Variants in OTC observed in about 807,000 individuals in gnomAD.
The protein encoded by OTC is ornithine transcarbamylase, mitochondrial.
A neutral mutation model predicts 30.3 loss-of-function variants in OTC; 3 were observed. The observed-to-expected ratio is 0.10, with a 90% CI of 0.05 to 0.26. The LOEUF (loss-of-function observed/expected upper bound fraction) is 0.26. OTC is among the 10% of genes least tolerant of loss of function. The pLI, the probability that OTC is intolerant of heterozygous loss-of-function variation, is 1.00. For synonymous variants in OTC, 111 were observed against 99.7 expected, an observed-to-expected ratio of 1.11 and a Z score of -0.67; for missense variants, 194 against 260.3, an observed-to-expected ratio of 0.75 and a Z score of 1.75.
At chrX:38,368,763 G>T (rs952947023) in intron 2 of OTC, among the ~76,000 whole-genome samples, 1 of 99,321 alleles carries the variant, frequency 1.0e-5, no homozygotes, top group Admixed American at 1.2e-4. Context: ...GAGGACAGGA[G>T]TGACCGCAAC....
chrX:38,331,442 G>GTTTTTTTTTTTTT, the OTC span, among the ~76,000 whole-genome samples: 7 of 37,668 alleles, frequency 1.9e-4, no homozygotes, highest in South Asian at 2.1e-3. Context: ...TTTTTTTTTT[G>GTTTTTTTTTTTTT]TTTTTTTTTT....
At chrX:38,369,387 G>T (rs2068312476) in intron 2 of OTC, among the ~76,000 whole-genome samples, 1 of 107,798 alleles carries the variant, frequency 9.3e-6, no homozygotes, top group East Asian at 2.9e-4. Context: ...TTGCTCTGTT[G>T]CCCAGGCTGG....
chrX:38,358,326 T>C (rs2068252479), intron 1 of OTC, among the ~76,000 whole-genome samples: 1 of 110,972 alleles, frequency 9.0e-6, no homozygotes, highest in Non-Finnish European at 1.9e-5. Flanking sequence ...TGTGGAACTC[T>C]TCTAATTTTT....
chrX:38,358,847 C>G (rs1392966578), intron 1 of OTC, among the ~76,000 whole-genome samples: 1 of 109,834 alleles, frequency 9.1e-6, no homozygotes, highest in Non-Finnish European at 1.9e-5. Context: ...GTCTCAAACT[C>G]CTGACCTCAG....
At chrX:38,368,135 C>T (rs1177809040) in intron 2 of OTC, among the ~76,000 whole-genome samples, 1 of 110,706 alleles carries the variant, frequency 9.0e-6, no homozygotes, top group African/African-American at 3.3e-5. Flanking sequence ...GCCAGGCAGG[C>T]AAATCACCTG....
chrX:38,397,431 A>C (rs2068463274), intron 4 of OTC, among the ~76,000 whole-genome samples: 1 of 111,915 alleles, frequency 8.9e-6, no homozygotes, highest in Non-Finnish European at 1.9e-5. Context: ...ATAACGTGAA[A>C]CTGACTATCC....
intron 5 of OTC, among the ~76,000 whole-genome samples, chrX:38,402,856 C>T (rs1443607245): frequency 9.0e-6 from 1 of 110,599 alleles, no homozygotes; most frequent in Non-Finnish European, 1.9e-5. Flanking sequence ...ACTCTGTCAC[C>T]CAGACTGGAG....
chrX:38,389,051 A>T (rs949028336), intron 4 of OTC, among the ~76,000 whole-genome samples: 4 of 110,811 alleles, frequency 3.6e-5, no homozygotes, highest in Non-Finnish European at 7.6e-5. Context: ...ATCACCCCAA[A>T]CTCTGCCTCC....
chrX:38,411,495 G>T (rs62589228), intron 8 of OTC, among the ~76,000 whole-genome samples: 14,053 of 109,356 alleles, frequency 0.13, 986 homozygotes, highest in Middle Eastern at 0.25. Flanking sequence ...GTGAAATCCC[G>T]TCTCTACTAA....
chrX:38,389,063 T>C (rs2068418718), intron 4 of OTC, among the ~76,000 whole-genome samples: 1 of 112,057 alleles, frequency 8.9e-6, no homozygotes, highest in East Asian at 2.8e-4. Flanking sequence ...TCTGCCTCCA[T>C]CTTTGCCTGG....
intron 4 of OTC, among the ~76,000 whole-genome samples, chrX:38,386,219 A>G (rs1238569230): frequency 1.9e-5 from 2 of 107,934 alleles, no homozygotes; most frequent in East Asian, 5.8e-4. Context: ...CTAAAAATAC[A>G]AAAATTAGCC....
intron 2 of OTC, 31 bp from the exon 3 acceptor site, chrX:38,369,764 AT>A: frequency 1.2e-6 from 1 of 845,130 alleles, no homozygotes; most frequent in Non-Finnish European, 1.7e-6. Context: ...TATAAGATAT[AT>A]TTTAATTCTA....
At chrX:38,395,130 A>G (rs191906893) in intron 4 of OTC, among the ~76,000 whole-genome samples, 17,825 of 109,662 alleles carry the variant, frequency 0.16, 1,329 homozygotes, top group Middle Eastern at 0.24. Flanking sequence ...ATGCCACCAC[A>G]ACCGGCTAAT....
chrX:38,388,299 G>T (rs2068413792), intron 4 of OTC, among the ~76,000 whole-genome samples: 1 of 111,611 alleles, frequency 9.0e-6, no homozygotes, highest in South Asian at 3.8e-4. Context: ...GTCTCTCTTA[G>T]GAGCTCCTTC....
chrX:38,411,164 T>G (rs1408203610), intron 8 of OTC, among the ~76,000 whole-genome samples: 1 of 110,649 alleles, frequency 9.0e-6, no homozygotes. Context: ...AATAATAATT[T>G]GGAGATCAGC....
the OTC span, among the ~76,000 whole-genome samples, chrX:38,329,399 C>A: frequency 1.8e-5 from 2 of 111,598 alleles, no homozygotes; most frequent in Non-Finnish European, 3.8e-5. Flanking sequence ...ATAGTGAAAG[C>A]AGGCTTGAGA....
chrX:38,399,751 AAAAC>A (rs1053900077), intron 4 of OTC, among the ~76,000 whole-genome samples: 13 of 111,646 alleles, frequency 1.2e-4, no homozygotes, highest in African/African-American at 2.9e-4. Flanking sequence ...CAACTCAAAA[AAAAC>A]AAACAAACAT....
At chrX:38,402,279 G>A (rs1365046372) in intron 5 of OTC, among the ~76,000 whole-genome samples, 1 of 76,414 alleles carries the variant, frequency 1.3e-5, no homozygotes, top group African/African-American at 7.3e-5. Context: ...ATAATTTAAT[G>A]CTTCCCCCTG....
At chrX:38,419,455 A>G (rs1487404412) in intron 9 of OTC, among the ~76,000 whole-genome samples, 1 of 111,473 alleles carries the variant, frequency 9.0e-6, no homozygotes, top group Non-Finnish European at 1.9e-5. Context: ...TAATTCTTTC[A>G]ATCCATGAAC....
Sources: allele counts gnomAD v4.1 joint callset (sites outside exome capture counted in the v4.1 genomes callset), GRCh38; gene constraint gnomAD v4.1.1; transcripts MANE v1.5; gene names NCBI Gene and HGNC (gene_info 2026-07-23, HGNC 2026-07-21).